MDGA2: variants seen among roughly 807,000 people sequenced by gnomAD.
MDGA2 encodes the protein MAM domain-containing glycosylphosphatidylinositol anchor protein 2.
In MDGA2, 40 loss-of-function variants were observed where a neutral mutation model predicts 117.8. The ratio of observed to expected loss-of-function variants is 0.34; its 90% CI spans 0.26 to 0.44. The LOEUF is 0.44. Ranked by LOEUF, MDGA2 falls within the 20% of genes least tolerant of loss-of-function variation. MDGA2 has a pLI of 1.00. For synonymous variants in MDGA2, 452 were observed against 439.0 expected (o/e 1.03, Z -0.37); for missense variants, 1,123 against 1,250.6 (o/e 0.90, Z 1.54).
At chr14:47,364,596 C>A (rs1252557501) in intron 1 of MDGA2, among the ~76,000 whole-genome samples, 1 of 152,188 alleles carries the variant, frequency 6.6e-6, no homozygotes, top group Admixed American at 6.5e-5. Flanking sequence ...GCACAGCTCT[C>A]CTGTTGAATG....
chr14:47,521,413 T>C (rs1360392304), intron 1 of MDGA2, among the ~76,000 whole-genome samples: 1 of 152,214 alleles, frequency 6.6e-6, no homozygotes, highest in Non-Finnish European at 1.5e-5. Flanking sequence ...TATTAAATCC[T>C]GACCTTGCCA....
chr14:47,365,428 G>A (rs938369665), intron 1 of MDGA2, among the ~76,000 whole-genome samples: 1 of 152,206 alleles, frequency 6.6e-6, no homozygotes, highest in African/African-American at 2.4e-5. Context: ...CATTGTACTG[G>A]GATGGGCAGA....
chr14:47,218,112 A>G lies in MDGA2; in HGVS notation c.504T>C (p.Asn168=). 2 of 1,551,334 alleles carry G rather than the reference A, an allele frequency of 1.3e-6. No individual in the cohort carries two copies. The highest frequency in any genetic ancestry group is 1.7e-6 in the Non-Finnish European group (2 of 1,146,714). ...ACCGGCCTCCTTGGTGTCGCTGAAT[A>G]TTTGTAATCCTCAAAGTCTCATTGA... ...SVFNETLRIT[N]IQRHQGGRYY... The change falls in exon 3 of 17, where the codon AAT becomes AAC. Residue 168 remains asparagine (N), a synonymous_variant. Transcript: ENST00000399232.
At chr14:47,286,422 A>G (rs1363059832) in intron 2 of MDGA2, among the ~76,000 whole-genome samples, 2 of 151,736 alleles carry the variant, frequency 1.3e-5, no homozygotes, top group African/African-American at 4.8e-5. Context: ...CATTCTATTC[A>G]CTGCTTCCAT....
chr14:47,591,813 C>T (rs184651112), intron 1 of MDGA2, among the ~76,000 whole-genome samples: 3 of 152,124 alleles, frequency 2.0e-5, no homozygotes, highest in Admixed American at 2.0e-4. Flanking sequence ...ATGACAAACC[C>T]TCAGCCAATA....
rs760004153 is a variant in MDGA2, at chr14:46,874,061, A to G, written c.2577T>C (p.Arg859=). The G allele has an allele frequency of 2.6e-6, 4 of 1,546,936 alleles. No individual in the cohort carries two copies. Among genetic ancestry groups the G allele is most frequent in the Non-Finnish European group, 3.5e-6 (4 of 1,153,686 alleles). ...YTPNTGPNAD[R]SGSKEGFYMY... Reference sequence around the variant, plus strand: ...CCCCCATACCTTCTTTGGAGCCACTACGGTCAGCATTAGGTCCTGTATTAG... The same window carrying G: ...CCCCCATACCTTCTTTGGAGCCACTGCGGTCAGCATTAGGTCCTGTATTAG... The change falls in exon 13 of 17, where the codon CGT becomes CGC. Residue 859 remains arginine, a synonymous_variant. Transcript: ENST00000399232.
At chr14:46,982,708 A>C (rs1193600270) in intron 8 of MDGA2, among the ~76,000 whole-genome samples, 1 of 26,982 alleles carries the variant, frequency 3.7e-5, no homozygotes, top group Non-Finnish European at 7.7e-5. Context: ...ACTCCATCAA[A>C]AAAAAAAAAA....
chr14:46,863,180 C>T (rs2933212), intron 14 of MDGA2, among the ~76,000 whole-genome samples: 1 of 151,814 alleles, frequency 6.6e-6, no homozygotes, highest in Admixed American at 6.6e-5. Flanking sequence ...CTATATAATT[C>T]CCTCTTTTGT....
chr14:46,985,497 A>C (rs895287239), intron 8 of MDGA2, among the ~76,000 whole-genome samples: 7 of 151,990 alleles, frequency 4.6e-5, no homozygotes, highest in African/African-American at 7.2e-5. Context: ...GAGAAGAGTA[A>C]ATTTTGTGGG....
chr14:47,290,072 T>G (rs996066643), intron 2 of MDGA2, among the ~76,000 whole-genome samples: 1 of 152,140 alleles, frequency 6.6e-6, no homozygotes, highest in African/African-American at 2.4e-5. Flanking sequence ...TTAGTTCAAG[T>G]AAAAGACATT....
intron 14 of MDGA2, among the ~76,000 whole-genome samples, chr14:46,865,735 T>C (rs1291425431): frequency 1.3e-5 from 2 of 152,148 alleles, no homozygotes; most frequent in Non-Finnish European, 2.9e-5. Flanking sequence ...CAAGCATTCT[T>C]ATACACCAAT....
At chr14:47,628,018 C>G (rs1897182462) in intron 1 of MDGA2, among the ~76,000 whole-genome samples, 1 of 152,174 alleles carries the variant, frequency 6.6e-6, no homozygotes, top group African/African-American at 2.4e-5. Context: ...CAACAACCCA[C>G]CAATTCCGGA....
At chr14:47,209,223 G>A (rs1885796285) in intron 3 of MDGA2, among the ~76,000 whole-genome samples, 2 of 151,944 alleles carry the variant, frequency 1.3e-5, no homozygotes, top group South Asian at 4.2e-4. Flanking sequence ...GGTTCTACAG[G>A]GCAAAAGCCT....
chr14:46,917,405 G>T (rs1293277986), intron 10 of MDGA2, among the ~76,000 whole-genome samples: 3 of 152,112 alleles, frequency 2.0e-5, no homozygotes, highest in African/African-American at 7.2e-5. Context: ...ACAAGTGGGG[G>T]ACATAATCCA....
At chr14:47,386,689 C>G (rs1018134606) in intron 1 of MDGA2, among the ~76,000 whole-genome samples, 2 of 152,108 alleles carry the variant, frequency 1.3e-5, no homozygotes, top group Non-Finnish European at 2.9e-5. Context: ...ATTTGTCAAA[C>G]TAATAATAAA....
At chr14:47,071,504 G>A (rs1463110519) in intron 6 of MDGA2, among the ~76,000 whole-genome samples, 2 of 151,686 alleles carry the variant, frequency 1.3e-5, no homozygotes, top group Non-Finnish European at 2.9e-5. Context: ...CTTTCCTTAG[G>A]TGTGTTTAAA....
intron 3 of MDGA2, among the ~76,000 whole-genome samples, chr14:47,154,942 G>T (rs749395085): frequency 2.4e-4 from 37 of 152,142 alleles, no homozygotes; most frequent in Non-Finnish European, 4.7e-4. Flanking sequence ...TTCCAGGGTT[G>T]CCCATGGCTG....
chr14:47,096,789 C>T (rs1200655147), intron 6 of MDGA2, 65 bp downstream of exon 6: 7 of 1,497,280 alleles, frequency 4.7e-6, no homozygotes, highest in Non-Finnish European at 5.5e-6. Flanking sequence ...TTATATCAAC[C>T]ATTATTTGCT....
chr14:47,558,294 A>C (rs1408243401), intron 1 of MDGA2, among the ~76,000 whole-genome samples: 2 of 152,214 alleles, frequency 1.3e-5, no homozygotes, highest in Admixed American at 6.5e-5. Context: ...GTAAGAAAAG[A>C]ATTAGTCCAC....
Sources: gnomAD v4.1 joint callset for allele counts (sites outside exome capture counted in the v4.1 genomes callset) on GRCh38, gnomAD v4.1.1 for gene constraint, MANE v1.5 for transcripts, NCBI Gene and HGNC (gene_info 2026-07-23, HGNC 2026-07-21) for gene names.